Variants in PDS5A observed in about 807,000 individuals in gnomAD.
PDS5A encodes the protein PDS5 cohesin associated factor A, also known as sister chromatid cohesion protein PDS5 homolog A.
In PDS5A, 42 loss-of-function variants were observed where a neutral mutation model predicts 167.1. The ratio of observed to expected loss-of-function variants is 0.25; its 90% CI spans 0.20 to 0.33. PDS5A has a LOEUF of 0.33. Among genes scored for constraint, PDS5A ranks in the 10% least tolerant of loss-of-function variants. The pLI is 1.00. For missense variants in PDS5A, 1,033 were observed against 1,605.9 expected (o/e 0.64, Z 6.10); for synonymous variants, 553 against 554.6 (o/e 1.00, Z 0.04).
intron 2 of PDS5A, among the ~76,000 whole-genome samples, chr4:39,931,058 A>G (rs1726013678): frequency 6.6e-6 from 1 of 152,212 alleles, no homozygotes; most frequent in Non-Finnish European, 1.5e-5. Flanking sequence ...CTGTAATCCC[A>G]GCACTTTGGG....
chr4:39,840,517 T>C (rs1216869051), intron 31 of PDS5A, among the ~76,000 whole-genome samples: 1 of 152,138 alleles, frequency 6.6e-6, no homozygotes, highest in Non-Finnish European at 1.5e-5. Flanking sequence ...TGCCTCAGCC[T>C]CCCAAGCAGC....
chr4:39,918,429 T>C (rs1724606768), intron 7 of PDS5A, among the ~76,000 whole-genome samples: 1 of 152,190 alleles, frequency 6.6e-6, no homozygotes, highest in African/African-American at 2.4e-5. Flanking sequence ...ATACCAGCAC[T>C]GCACACCACC....
chr4:39,954,770 A>G (rs1728772009), intron 2 of PDS5A, among the ~76,000 whole-genome samples: 1 of 151,426 alleles, frequency 6.6e-6, no homozygotes, highest in South Asian at 2.1e-4. Flanking sequence ...CCAGGCAGAG[A>G]GCCTCATGCC....
At chr4:39,943,731 T>C (rs960651487) in intron 2 of PDS5A, among the ~76,000 whole-genome samples, 4 of 151,036 alleles carry the variant, frequency 2.6e-5, no homozygotes, top group African/African-American at 9.7e-5. Context: ...TGCTTGAACC[T>C]GGGAGGCGGC....
chr4:39,957,010 G>A (rs1240664068), intron 2 of PDS5A, among the ~76,000 whole-genome samples: 1 of 152,020 alleles, frequency 6.6e-6, no homozygotes, highest in Non-Finnish European at 1.5e-5. Context: ...CAGAAACAAA[G>A]TATTCTCTTT....
At chr4:39,925,444 T>C (rs750093822) in intron 5 of PDS5A, among the ~76,000 whole-genome samples, 1 of 152,200 alleles carries the variant, frequency 6.6e-6, no homozygotes, top group Non-Finnish European at 1.5e-5. Context: ...ACAATATGCA[T>C]AATTTCTACC....
intron 12 of PDS5A, among the ~76,000 whole-genome samples, chr4:39,902,875 T>G (rs969268594): frequency 2.6e-5 from 4 of 152,146 alleles, no homozygotes; most frequent in African/African-American, 9.7e-5. Context: ...ATCAAGATAA[T>G]AGCTATGTGT....
At chr4:39,891,119 C>T (rs1346980985) in intron 16 of PDS5A, among the ~76,000 whole-genome samples, 4 of 151,810 alleles carry the variant, frequency 2.6e-5, no homozygotes, top group East Asian at 2.0e-4. Context: ...CTGCAACCTC[C>T]GCTTCCCAGG....
chr4:39,833,357 G>GC (rs978918175), intron 32 of PDS5A, among the ~76,000 whole-genome samples: 9 of 152,042 alleles, frequency 5.9e-5, no homozygotes, highest in Non-Finnish European at 1.3e-4. Flanking sequence ...ATGAGACAAT[G>GC]CCCCAAAGAA....
At chr4:39,976,134 C>G (rs1731060159) in intron 2 of PDS5A, 2 of 189,346 alleles carry the variant, frequency 1.1e-5, no homozygotes, top group African/African-American at 4.7e-5. Context: ...CTGCCTACAC[C>G]TAAGTTTGCA....
At chr4:39,882,254 T>C (rs1182293022) in intron 17 of PDS5A, among the ~76,000 whole-genome samples, 1 of 152,238 alleles carries the variant, frequency 6.6e-6, no homozygotes, top group African/African-American at 2.4e-5. Context: ...CTAGTACCTG[T>C]TCAAATATGC....
intron 2 of PDS5A, among the ~76,000 whole-genome samples, chr4:39,942,087 C>T (rs1727276438): frequency 2.0e-5 from 3 of 152,128 alleles, no homozygotes; most frequent in Non-Finnish European, 4.4e-5. Context: ...TTAATGTTAT[C>T]CCAACTCAAA....
intron 29 of PDS5A, among the ~76,000 whole-genome samples, chr4:39,845,586 T>C (rs1367429596): frequency 6.6e-6 from 1 of 152,198 alleles, no homozygotes; most frequent in Non-Finnish European, 1.5e-5. Context: ...TTGTGAATTG[T>C]AAATAAACTG....
At chr4:39,827,830 A>G (rs1329478657) in intron 32 of PDS5A, among the ~76,000 whole-genome samples, 2 of 152,194 alleles carry the variant, frequency 1.3e-5, no homozygotes, top group African/African-American at 2.4e-5. Context: ...ATTTGGGGTT[A>G]TTTTTCCATT....
intron 16 of PDS5A, among the ~76,000 whole-genome samples, chr4:39,896,038 T>G (rs1722383923): frequency 6.7e-6 from 1 of 150,248 alleles, no homozygotes; most frequent in Non-Finnish European, 1.5e-5. Context: ...TTTTTTTTTT[T>G]TTAGCTTTTA....
At chr4:39,956,207 T>C (rs1188845906) in intron 2 of PDS5A, among the ~76,000 whole-genome samples, 3 of 151,934 alleles carry the variant, frequency 2.0e-5, no homozygotes, top group Non-Finnish European at 4.4e-5. Flanking sequence ...TATTAAACAT[T>C]TGGCAGGGTG....
chr4:39,849,005 T>A, intron 27 of PDS5A, 35 bp from the exon 28 acceptor site: 1 of 1,393,320 alleles, frequency 7.2e-7, no homozygotes, highest in Non-Finnish European at 9.8e-7. Flanking sequence ...TAACTTTTAG[T>A]ATTGCAAAAT....
rs1163947390 is a variant in PDS5A, at chr4:39,881,250, T to G, written c.1887-1417A>C. Among the ~76,000 whole-genome samples, 3 of 152,188 alleles carry G rather than the reference T, an allele frequency of 2.0e-5. No individual in the cohort carries two copies. In the East Asian group the frequency reaches 5.8e-4, roughly 29 times the overall value. On this transcript the variant is annotated intron_variant, in intron 17 of 32. Transcript: ENST00000303538. ...AAATCTTGGCTATTGTCAATAATGC[T>G]GCAATAATAATGAGTATACGGATAT...
At chr4:39,837,040 C>G in intron 32 of PDS5A, 1 of 136,044 alleles carries the variant, frequency 7.4e-6, no homozygotes, top group South Asian at 2.3e-4. Flanking sequence ...CCATGTTGGT[C>G]AGGCTGGTCT....
Sources: gnomAD v4.1 joint callset for allele counts (sites outside exome capture counted in the v4.1 genomes callset) on GRCh38, gnomAD v4.1.1 for gene constraint, MANE v1.5 for transcripts, NCBI Gene and HGNC (gene_info 2026-07-23, HGNC 2026-07-21) for gene names.